Variants in SECISBP2 observed in about 807,000 individuals in gnomAD.
The protein encoded by SECISBP2 is SECIS binding protein 2.
In SECISBP2, 96 loss-of-function variants were observed where a neutral mutation model predicts 98.2. The observed-to-expected ratio is 0.98, with a 90% CI of 0.83 to 1.16. The LOEUF (loss-of-function observed/expected upper bound fraction) is 1.16, where lower values mean the gene tolerates loss of function less well. Among genes scored for constraint, SECISBP2 ranks in the 50% most tolerant of loss-of-function variants. The pLI, the probability that SECISBP2 is intolerant of heterozygous loss-of-function variation, is 0.00. For missense variants in SECISBP2, 1,046 were observed against 1,022.9 expected (o/e 1.02, Z -0.31); for synonymous variants, 407 against 370.2 (o/e 1.10, Z -1.14).
chr9:89,362,269 C>T, downstream of SECISBP2: 2 of 1,500,734 alleles, frequency 1.3e-6, no homozygotes, highest in Middle Eastern at 2.1e-4. Context: ...GGCCCAATGG[C>T]TGTGTTCAGA....
chr9:89,336,081 C>CTTTTTTTTTTTTTTTTTTTTTTTTTT lies in SECISBP2; in HGVS notation c.1089+1353_1089+1378dup, dbSNP rs59799418. ...TTTTTCCCTTAAGTAATTTTAAGTG[C>CTTTTTTTTTTTTTTTTTTTTTTTTTT]TTTTTTTTTTTTTTTTTTTTTTTTT... On this transcript the variant is annotated intron_variant, in intron 7 of 16. Coordinates refer to ENST00000375807, the MANE Select transcript of SECISBP2 (RefSeq NM_024077.5). 1.1e-3 allele frequency among the ~76,000 whole-genome samples: 35 copies of CTTTTTTTTTTTTTTTTTTTTTTTTTT among 33,058 alleles called. 6 individuals are homozygous for CTTTTTTTTTTTTTTTTTTTTTTTTTT. The highest frequency in any genetic ancestry group is 1.3e-3 in the Non-Finnish European group (22 of 17,536). 21.7% of individuals were successfully genotyped at this position (33,058 alleles called of 152,430 possible). A position where few individuals can be genotyped will look rare whatever the true frequency, so the allele number is the denominator to read the frequency against.
intron 12 of SECISBP2, among the ~76,000 whole-genome samples, 183 bp downstream of exon 12, chr9:89,348,397 TC>T (rs1467618408): frequency 6.6e-6 from 1 of 152,192 alleles, no homozygotes; most frequent in Non-Finnish European, 1.5e-5. Context: ...GGGGAGTGTT[TC>T]TAGTCCCTCT....
chr9:89,354,879 G>A (rs1230156745), intron 14 of SECISBP2: 1 of 985,238 alleles, frequency 1.0e-6, no homozygotes, highest in Non-Finnish European at 1.2e-6. Flanking sequence ...TGTCTCCCCT[G>A]ACAAACTGAA....
rs1161772177 is a variant in SECISBP2 at position 89,328,902 on chromosome 9, C to T, written c.801+16C>T. The T allele has an allele frequency of 6.3e-7, 1 of 1,582,852 alleles. No homozygotes were observed. The highest frequency in any genetic ancestry group is 8.7e-7 in the Non-Finnish European group (1 of 1,153,016). On this transcript the variant is annotated intron_variant, in intron 5 of 16. Transcript: ENST00000375807. ...GTTATCAAAGGTGAGGTGAGGGTTT[C>T]TCTCTTTTTCTTTTTCCTTTGTACA... is the stretch of plus-strand genomic sequence containing the variant.
intron 2 of SECISBP2, chr9:89,324,679 G>A (rs76972678): frequency 8.5e-5 from 13 of 152,548 alleles, no homozygotes; most frequent in African/African-American, 1.4e-4. Flanking sequence ...GAATAGCTCC[G>A]GAAATTAACA....
downstream of SECISBP2, among the ~76,000 whole-genome samples, chr9:89,360,326 G>A (rs143025922): frequency 6.6e-6 from 1 of 152,264 alleles, no homozygotes; most frequent in African/African-American, 2.4e-5. Flanking sequence ...GCAAGTTGTG[G>A]TAAGTTTGAA....
At position 89,357,888 on chromosome 9, in the gene SECISBP2, C is replaced by T. The variant is rs1832338583; in HGVS notation, c.2269-111C>T. ...TACCCACCCATAAGCATGAGGTCCA[C>T]ATTACCCCATGTCACCCCTGCTTCT... On this transcript the variant is annotated intron_variant, in intron 15 of 16. Coordinates refer to ENST00000375807, the MANE Select transcript of SECISBP2 (RefSeq NM_024077.5). 5.0e-6 allele frequency: 6 copies of T among 1,204,180 alleles called. No individual in the cohort carries two copies. The Admixed American group carries it at 9.8e-5, about 20-fold the overall frequency. The allele number at this position is 1,204,180 out of a possible 1,614,324, so 74.6% of individuals were successfully genotyped here.
chr9:89,318,886 C>T, intron 1 of SECISBP2: 5 of 1,245,052 alleles, frequency 4.0e-6, no homozygotes, highest in Non-Finnish European at 5.0e-6. Flanking sequence ...CCCGGCGCTC[C>T]CCGCAGTCGG....
At chr9:89,353,974 TTAAAGA>T (rs1266334205) in intron 14 of SECISBP2, among the ~76,000 whole-genome samples, 7 of 152,378 alleles carry the variant, frequency 4.6e-5, no homozygotes, top group African/African-American at 1.4e-4. Context: ...TGCAGTCATC[TTAAAGA>T]TAAAAATTGA....
chr9:89,335,215 GA>G (rs557569242), intron 7 of SECISBP2, among the ~76,000 whole-genome samples: 5,246 of 122,124 alleles, frequency 0.043, 152 homozygotes, highest in African/African-American at 0.089. Context: ...GACGTCGTCT[GA>G]AAAAAAAAAA....
At position 89,325,945 on chromosome 9, in the gene SECISBP2, A is replaced by G; in HGVS notation, c.481A>G (p.Ser161Gly). ...KKTYDQQKFDSERADGTISSE... is the reference protein window; with the variant it reads ...KKTYDQQKFDGERADGTISSE... ...AACGTATGATCAGCAAAAGTTTGACAGTGAAAGGGCTGATGGAACTATATC... is the reference window on the plus strand; with the variant it reads ...AACGTATGATCAGCAAAAGTTTGACGGTGAAAGGGCTGATGGAACTATATC... Residue 161 changes from serine to glycine, a missense_variant, in exon 4 of 17, where the codon AGT becomes GGT. By Grantham distance (56) the Ser-to-Gly change is moderately conservative (BLOSUM62 0). Transcript: ENST00000375807. The G allele has an allele frequency of 1.2e-6, 2 of 1,614,100 alleles. No individual in the cohort carries two copies. Among genetic ancestry groups the G allele is most frequent in the Non-Finnish European group, 1.7e-6 (2 of 1,179,996 alleles).
intron 13 of SECISBP2, 105 bp downstream of exon 13, chr9:89,350,034 C>G (rs1345058056): frequency 7.4e-6 from 10 of 1,344,800 alleles, no homozygotes; most frequent in Non-Finnish European, 1.0e-5. Flanking sequence ...CCACACTGTG[C>G]TTTAAAAACC....
At chr9:89,326,515 A>T (rs1008077137) in intron 4 of SECISBP2, among the ~76,000 whole-genome samples, 15 of 152,220 alleles carry the variant, frequency 9.9e-5, no homozygotes, top group Admixed American at 4.6e-4. Context: ...TGGAAAGTTT[A>T]CTAGCACAGA....
intron 12 of SECISBP2, among the ~76,000 whole-genome samples, chr9:89,349,151 C>T (rs1564424187): frequency 6.6e-6 from 1 of 152,202 alleles, no homozygotes; most frequent in Non-Finnish European, 1.5e-5. Context: ...TGTTTTTCAA[C>T]CTTGCCATTC....
At chr9:89,347,966 G>A in intron 11 of SECISBP2, 113 bp from the exon 12 acceptor site, 3 of 1,003,726 alleles carry the variant, frequency 3.0e-6, no homozygotes, top group East Asian at 2.6e-5. Context: ...CTGCTCTCAG[G>A]GCACTAAGAG....
At chr9:89,318,653 C>T in intron 1 of SECISBP2, 41 bp downstream of exon 1, 1 of 1,385,046 alleles carries the variant, frequency 7.2e-7, no homozygotes, top group African/African-American at 1.5e-5. Flanking sequence ...CTCAGTCCGT[C>T]CGCCTGCCTC....
intron 10 of SECISBP2, among the ~76,000 whole-genome samples, chr9:89,344,682 T>G (rs1830177482): frequency 6.6e-6 from 1 of 152,246 alleles, no homozygotes; most frequent in South Asian, 2.1e-4. Flanking sequence ...GTTGTTTTTT[T>G]TAACTTTAGT....
chr9:89,332,234 A>C (rs1222276638), intron 5 of SECISBP2, among the ~76,000 whole-genome samples: 1 of 152,130 alleles, frequency 6.6e-6, no homozygotes, highest in Non-Finnish European at 1.5e-5. Context: ...GCCTGCACAC[A>C]CACACACACA....
chr9:89,328,587 C>T, intron 4 of SECISBP2, 73 bp from the exon 5 acceptor site: 1 of 1,176,344 alleles, frequency 8.5e-7, no homozygotes, highest in Non-Finnish European at 1.3e-6. Context: ...TTGTACTCTG[C>T]AATTTTTGCT....
Sources: gnomAD v4.1 joint callset for allele counts (sites outside exome capture counted in the v4.1 genomes callset) on GRCh38, gnomAD v4.1.1 for gene constraint, MANE v1.5 for transcripts, NCBI Gene and HGNC (gene_info 2026-07-23, HGNC 2026-07-21) for gene names.